The following AK8 variants were observed in gnomAD, a reference collection of about 807,000 sequenced individuals.
AK8 encodes ATP-AMP transphosphorylase 8.
AK8 carries 44 observed loss-of-function variants against 54.6 expected under a neutral mutation model. That is an observed-to-expected ratio of 0.81 (90% CI 0.63 to 1.04). AK8 has a LOEUF of 1.04. AK8 is among the 50% of genes least tolerant of loss of function. The pLI, the probability that AK8 is intolerant of heterozygous loss-of-function variation, is 0.00. For synonymous variants in AK8, 239 were observed against 245.6 expected (o/e 0.97, Z 0.25); for missense variants, 555 against 613.6 (o/e 0.90, Z 1.01).
intron 2 of AK8, among the ~76,000 whole-genome samples, chr9:132,871,724 G>C (rs1017893787): frequency 5.9e-5 from 9 of 152,228 alleles, no homozygotes; most frequent in Admixed American, 5.9e-4. Flanking sequence ...TCCTTGGAGG[G>C]AGCTTCAGGA....
At chr9:132,788,638 G>C (rs1839816531) in intron 11 of AK8, among the ~76,000 whole-genome samples, 1 of 152,184 alleles carries the variant, frequency 6.6e-6, no homozygotes, top group Non-Finnish European at 1.5e-5. Flanking sequence ...ACAGGGGAAA[G>C]GGGTGATTTT....
chr9:132,741,592 C>T (rs947153435), intron 11 of AK8, among the ~76,000 whole-genome samples: 4 of 152,154 alleles, frequency 2.6e-5, no homozygotes, highest in African/African-American at 7.2e-5. Flanking sequence ...GGTGGGTCAC[C>T]GCAGCCTCCA....
chr9:132,834,675 G>A (rs1053696239), intron 5 of AK8, among the ~76,000 whole-genome samples: 9 of 152,142 alleles, frequency 5.9e-5, no homozygotes, highest in East Asian at 3.9e-4. Flanking sequence ...CTCTTACAAC[G>A]CCGAAATATG....
At chr9:132,849,780 C>T (rs1842895144) in intron 5 of AK8, among the ~76,000 whole-genome samples, 2 of 152,208 alleles carry the variant, frequency 1.3e-5, no homozygotes, top group African/African-American at 4.8e-5. Context: ...CAGGGTCTTG[C>T]TCTGTCACTC....
chr9:132,840,449 A>ACACAC (rs1304130927), intron 5 of AK8, among the ~76,000 whole-genome samples: 16 of 139,454 alleles, frequency 1.1e-4, no homozygotes, highest in Non-Finnish European at 2.0e-4. Context: ...CACACACACA[A>ACACAC]GGCAAGTGAA....
At chr9:132,746,704 G>C (rs1837670025) in intron 11 of AK8, among the ~76,000 whole-genome samples, 1 of 152,182 alleles carries the variant, frequency 6.6e-6, no homozygotes, top group Non-Finnish European at 1.5e-5. Flanking sequence ...GGAGCAACCA[G>C]TGAGGTCTAC....
chr9:132,740,847 T>A (rs185449912), intron 11 of AK8, among the ~76,000 whole-genome samples: 20 of 152,294 alleles, frequency 1.3e-4, no homozygotes, highest in African/African-American at 4.8e-4. Flanking sequence ...TCAGATGCAT[T>A]TGGCTCCTTC....
chr9:132,757,093 C>T (rs1887964), intron 11 of AK8, among the ~76,000 whole-genome samples: 39,752 of 152,182 alleles, frequency 0.26, 7,222 homozygotes, highest in African/African-American at 0.51. Flanking sequence ...TCTATTACAC[C>T]GCAGCAGTTG....
At chr9:132,835,861 C>T (rs1312036229) in intron 5 of AK8, among the ~76,000 whole-genome samples, 3 of 152,226 alleles carry the variant, frequency 2.0e-5, no homozygotes, top group East Asian at 1.9e-4. Context: ...CAGTGGCTCA[C>T]GCCTGTAATC....
At chr9:132,802,472 C>T (rs1840506248) in intron 10 of AK8, among the ~76,000 whole-genome samples, 1 of 152,206 alleles carries the variant, frequency 6.6e-6, no homozygotes, top group African/African-American at 2.4e-5. Context: ...TCCACCCCAA[C>T]CACTGCCGCC....
At chr9:132,817,663 C>G (rs1054934208) in intron 9 of AK8, among the ~76,000 whole-genome samples, 2 of 152,026 alleles carry the variant, frequency 1.3e-5, no homozygotes, top group Non-Finnish European at 2.9e-5. Context: ...TAGGAAGTAG[C>G]CAAACTGCAG....
intron 5 of AK8, among the ~76,000 whole-genome samples, chr9:132,845,962 C>G (rs543885159): frequency 1.8e-4 from 28 of 152,070 alleles, no homozygotes; most frequent in African/African-American, 6.5e-4. Context: ...AACTGTGCAG[C>G]CTTGTTAGAT....
intron 11 of AK8, among the ~76,000 whole-genome samples, chr9:132,788,134 T>C (rs215156): frequency 0.65 from 98,597 of 151,898 alleles, 32,215 homozygotes; most frequent in East Asian, 0.81. Flanking sequence ...AATTAACTAA[T>C]AGGTACAAAG....
intron 11 of AK8, among the ~76,000 whole-genome samples, chr9:132,773,997 G>A (rs1839095448): frequency 6.6e-6 from 1 of 152,150 alleles, no homozygotes; most frequent in South Asian, 2.1e-4. Flanking sequence ...TGGTAGATAG[G>A]AAAGAGAGGA....
chr9:132,786,607 C>T (rs967432561), intron 11 of AK8, among the ~76,000 whole-genome samples: 1 of 152,138 alleles, frequency 6.6e-6, no homozygotes, highest in Non-Finnish European at 1.5e-5. Flanking sequence ...GGGTTCTGCA[C>T]AAATGGCCCA....
chr9:132,792,075 T>C (rs967371564), intron 11 of AK8, among the ~76,000 whole-genome samples: 1 of 152,210 alleles, frequency 6.6e-6, no homozygotes, highest in Admixed American at 6.5e-5. Context: ...GGCTGACCCC[T>C]TGCTATTGCA....
At chr9:132,773,115 A>T (rs1564393969) in intron 11 of AK8, among the ~76,000 whole-genome samples, 1 of 152,176 alleles carries the variant, frequency 6.6e-6, no homozygotes, top group Non-Finnish European at 1.5e-5. Context: ...GTGACCTCTG[A>T]CACCTCACCT....
chr9:132,872,042 A>G (rs1180630587), intron 2 of AK8, among the ~76,000 whole-genome samples: 2 of 152,222 alleles, frequency 1.3e-5, no homozygotes, highest in Non-Finnish European at 2.9e-5. Flanking sequence ...TAGCGGTTTA[A>G]GAACACAGAG....
rs1401408221 is a variant in AK8 at position 132,878,062 on chromosome 9, C to T, written c.84+110G>A. 2 of 1,535,784 alleles carry T rather than the reference C, an allele frequency of 1.3e-6. No homozygotes were observed. Among genetic ancestry groups the T allele is most frequent in the Non-Finnish European group, 1.8e-6 (2 of 1,136,162 alleles). On this transcript the variant is annotated intron_variant, in intron 1 of 12. Transcript: ENST00000298545. This position sits in a 1 kb window ranked among gnomAD's most constrained non-coding sequence, Gnocchi z 4.7. The stretch of plus-strand genomic sequence containing the variant: ...TCGTACATCCCGAGTTGGGCTGCTT[C>T]GTGGGCGCGCGACTCGGCCCCAGCT...
Sources: allele counts gnomAD v4.1 joint callset (sites outside exome capture counted in the v4.1 genomes callset), GRCh38; gene constraint gnomAD v4.1.1; non-coding constraint Gnocchi (gnomAD v3.1); transcripts MANE v1.5; gene names NCBI Gene and HGNC (gene_info 2026-07-23, HGNC 2026-07-21).